Variants in NLK observed in about 807,000 individuals in gnomAD.
NLK encodes the protein nemo like kinase, also known as serine/threonine-protein kinase NLK.
Under a neutral mutation model 59.0 loss-of-function variants are expected in NLK, and 11 were observed. The observed-to-expected ratio is 0.19, with a 90% CI of 0.12 to 0.31. NLK has a LOEUF of 0.31. NLK is among the 10% of genes least tolerant of loss of function. The pLI, the probability that NLK is intolerant of heterozygous loss-of-function variation, is 1.00. For missense variants in NLK, 410 were observed against 661.1 expected (o/e 0.62, Z 4.16); for synonymous variants, 235 against 235.9 (o/e 1.00, Z 0.03).
chr17:28,162,926 A>AAAAAG (rs1350449920), intron 4 of NLK, among the ~76,000 whole-genome samples: 1 of 151,722 alleles, frequency 6.6e-6, no homozygotes, highest in Non-Finnish European at 1.5e-5. Flanking sequence ...CTCAAAAAAA[A>AAAAAG]AAAAGAAAAG....
intron 1 of NLK, among the ~76,000 whole-genome samples, chr17:28,088,574 A>G (rs1469013237): frequency 2.0e-5 from 3 of 152,212 alleles, no homozygotes; most frequent in Non-Finnish European, 4.4e-5. Flanking sequence ...TTTAAGTTAT[A>G]TTTCATATAG....
intron 1 of NLK, among the ~76,000 whole-genome samples, chr17:28,115,109 G>GGT (rs1905705700): frequency 6.6e-6 from 1 of 152,190 alleles, no homozygotes; most frequent in Non-Finnish European, 1.5e-5. Flanking sequence ...AGTTTTGGCA[G>GGT]AACTGTAAAC....
intron 1 of NLK, among the ~76,000 whole-genome samples, chr17:28,081,429 C>T (rs755273731): frequency 2.0e-5 from 3 of 151,662 alleles, no homozygotes; most frequent in Non-Finnish European, 2.9e-5. Flanking sequence ...AATGAATAGG[C>T]GATAATGGTT....
intron 1 of NLK, among the ~76,000 whole-genome samples, chr17:28,086,758 A>G (rs1032009033): frequency 2.6e-5 from 4 of 152,044 alleles, no homozygotes; most frequent in African/African-American, 4.8e-5. Context: ...TAAGGCTGAG[A>G]GTGGTGGCTC....
downstream of NLK, among the ~76,000 whole-genome samples, chr17:28,196,958 A>G (rs145824848): frequency 4.5e-3 from 689 of 152,292 alleles, 8 homozygotes; most frequent in African/African-American, 0.016. Context: ...ATTTAGCAAA[A>G]TGAATGGATT....
chr17:28,053,966 A>C (rs1439250336), intron 1 of NLK, among the ~76,000 whole-genome samples: 1 of 152,206 alleles, frequency 6.6e-6, no homozygotes, highest in Non-Finnish European at 1.5e-5. Context: ...CTAAATTAAC[A>C]TGCAGCCTGG....
At chr17:28,111,892 GTGTGGTGTGTGTGTGTGT>G (rs1174859906) in intron 1 of NLK, among the ~76,000 whole-genome samples, 11 of 114,532 alleles carry the variant, frequency 9.6e-5, no homozygotes, top group African/African-American at 4.3e-4. Context: ...GTGTGTGTGT[GTGTGGTGTGTGTGTGTGT>G]GTGTGTGTGT....
chr17:28,168,922 G>A (rs955017946), intron 6 of NLK, among the ~76,000 whole-genome samples: 1 of 152,082 alleles, frequency 6.6e-6, no homozygotes, highest in Non-Finnish European at 1.5e-5. Context: ...TTTTGCTCTT[G>A]TTGCCCAGGC....
intron 1 of NLK, among the ~76,000 whole-genome samples, chr17:28,089,943 T>C (rs1279644434): frequency 6.6e-6 from 1 of 152,214 alleles, no homozygotes; most frequent in Non-Finnish European, 1.5e-5. Flanking sequence ...ACAAATCCTT[T>C]ATCAGCAACA....
chr17:28,108,131 G>A (rs575293186), intron 1 of NLK, among the ~76,000 whole-genome samples: 1 of 152,220 alleles, frequency 6.6e-6, no homozygotes, highest in South Asian at 2.1e-4. Flanking sequence ...CTACTCAGGA[G>A]GCAGGAGAAA....
At chr17:28,122,252 A>G (rs1380705069) in intron 1 of NLK, among the ~76,000 whole-genome samples, 2 of 152,192 alleles carry the variant, frequency 1.3e-5, no homozygotes, top group African/African-American at 4.8e-5. Context: ...TTAATGATCT[A>G]TGCTGCTTCT....
chr17:28,147,988 T>C (rs1052378950), intron 3 of NLK, among the ~76,000 whole-genome samples: 27 of 152,228 alleles, frequency 1.8e-4, no homozygotes, highest in African/African-American at 6.5e-4. Flanking sequence ...AATGGAAAAA[T>C]AAATTTTAAA....
intron 1 of NLK, among the ~76,000 whole-genome samples, chr17:28,086,975 G>A (rs894557039): frequency 2.0e-5 from 3 of 151,600 alleles, no homozygotes; most frequent in Non-Finnish European, 4.4e-5. Context: ...TTGAGCTCAG[G>A]AGTTCAAGGC....
chr17:28,131,042 A>G lies in NLK; in HGVS notation c.589-1578A>G, dbSNP rs1450393141. ...TATTCCTTATAAAAACATCTAAACT[A>G]TTTAAAAGCCTCCAACTGGCTTTAA... is the stretch of plus-strand genomic sequence containing the variant. On this transcript the variant is annotated intron_variant, in intron 2 of 10. Transcript: ENST00000407008. Among the ~76,000 whole-genome samples the G allele has an allele frequency of 3.9e-5, 6 of 152,284 alleles. No homozygotes were observed. In the East Asian group the frequency reaches 9.6e-4, roughly 24 times the overall value.
intron 7 of NLK, 72 bp downstream of exon 7, chr17:28,172,690 T>C (rs1908513367): frequency 3.8e-6 from 3 of 793,312 alleles, no homozygotes; most frequent in Non-Finnish European, 3.6e-6. Context: ...TAGAGTAATC[T>C]ATTAAGGATT....
intron 1 of NLK, among the ~76,000 whole-genome samples, chr17:28,092,237 C>CT (rs1904519899): frequency 1.9e-5 from 2 of 104,662 alleles, no homozygotes; most frequent in Non-Finnish European, 1.8e-5. Context: ...TTGCTCAGAG[C>CT]TTTTTTTAAA....
intron 3 of NLK, 21 bp from the exon 4 acceptor site, chr17:28,161,139 T>C: frequency 3.6e-6 from 5 of 1,399,030 alleles, no homozygotes; most frequent in Non-Finnish European, 5.1e-6. Context: ...CGCCGAACTC[T>C]CCTTAACTTA....
At chr17:28,192,043 G>C in intron 9 of NLK, 77 bp from the exon 10 acceptor site, 1 of 750,098 alleles carries the variant, frequency 1.3e-6, no homozygotes, top group Admixed American at 2.2e-5. Context: ...TCAGATGCTG[G>C]CTAGAGTTCG....
rs922199545 is a variant in NLK at position 28,125,612 on chromosome 17, A to G, written c.588+2880A>G. 3.9e-5 allele frequency among the ~76,000 whole-genome samples: 6 copies of G among 152,132 alleles called. No individual in the cohort carries two copies. The East Asian group carries it at 1.2e-3, about 29-fold the overall frequency. ...GAAGATGGCACAGCACCACTATTTT[A>G]TATATAATAGATCTCTGCTATCTCT... On this transcript the variant is annotated intron_variant, in intron 2 of 10. Transcript: ENST00000407008.
Sources: allele counts gnomAD v4.1 joint callset (sites outside exome capture counted in the v4.1 genomes callset), GRCh38; gene constraint gnomAD v4.1.1; transcripts MANE v1.5; gene names NCBI Gene and HGNC (gene_info 2026-07-23, HGNC 2026-07-21).